The following ASS1 variants were observed in gnomAD, a reference collection of about 807,000 sequenced individuals.
The protein encoded by ASS1 is argininosuccinate synthase 1, also known as argininosuccinate synthase.
In ASS1, 58 loss-of-function variants were observed where a neutral mutation model predicts 60.5. That is an observed-to-expected ratio of 0.96 (90% CI 0.78 to 1.19). ASS1 has a LOEUF of 1.19. ASS1 is among the 50% of genes most tolerant of loss of function. The probability of loss-of-function intolerance (pLI) is 0.00; values close to 1 mark genes in which losing one functional copy is unlikely to be tolerated. For synonymous variants in ASS1, 200 were observed against 206.9 expected, an observed-to-expected ratio of 0.97 and a Z score of 0.29; for missense variants, 454 against 547.3, an observed-to-expected ratio of 0.83 and a Z score of 1.70.
intron 8 of ASS1, among the ~76,000 whole-genome samples, chr9:130,471,949 G>T (rs887436956): frequency 1.3e-5 from 2 of 152,146 alleles, no homozygotes; most frequent in Non-Finnish European, 2.9e-5. Context: ...CATTTGTCTG[G>T]ATCCGTGTTG....
chr9:130,450,150 TC>T (rs1357505544), intron 1 of ASS1: 6 of 482,324 alleles, frequency 1.2e-5, no homozygotes, highest in Non-Finnish European at 1.6e-5. Flanking sequence ...GCTCTGGGGC[TC>T]CTGGACCTCC....
At chr9:130,447,084 A>C (rs1378714643) in intron 1 of ASS1, among the ~76,000 whole-genome samples, 1 of 152,228 alleles carries the variant, frequency 6.6e-6, no homozygotes, top group Non-Finnish European at 1.5e-5. Context: ...TCCACGGGGC[A>C]GTAGGCCTGA....
rs1356500528 is a variant in ASS1 at position 130,476,991 on chromosome 9, G to A, written c.688+30G>A. 2 of 1,603,140 alleles carry A rather than the reference G, an allele frequency of 1.2e-6. No individual in the cohort carries two copies. The highest frequency in any genetic ancestry group is 8.5e-7 in the Non-Finnish European group (1 of 1,170,132). ...GTGCCCACCTGTTGGGACTCGAAGG[G>A]GGTTGACTTTTGGGGCCCTGGCTCC... On this transcript the variant is annotated intron_variant, in intron 9 of 14. Coordinates refer to ENST00000352480, the MANE Select transcript of ASS1 (RefSeq NM_054012.4). The surrounding 1 kb of genome is among the most constrained non-coding windows in gnomAD (Gnocchi z 4.9).
At chr9:130,483,110 C>A (rs1338458937) in intron 11 of ASS1, among the ~76,000 whole-genome samples, 1 of 152,068 alleles carries the variant, frequency 6.6e-6, no homozygotes, top group Non-Finnish European at 1.5e-5. Flanking sequence ...TTTCTCTACT[C>A]CAAATATTTC....
intron 1 of ASS1, 132 bp from the exon 2 acceptor site, chr9:130,452,092 C>T (rs757868089): frequency 4.0e-5 from 32 of 791,304 alleles, no homozygotes; most frequent in South Asian, 5.8e-5. Flanking sequence ...ATCCTGTTCC[C>T]GACCTTCAGT....
chr9:130,457,327 C>T (rs1233850062), intron 3 of ASS1, among the ~76,000 whole-genome samples: 1 of 152,002 alleles, frequency 6.6e-6, no homozygotes, highest in Non-Finnish European at 1.5e-5. Context: ...AAAACTTAGC[C>T]GGGCGTGGTA....
intron 3 of ASS1, among the ~76,000 whole-genome samples, chr9:130,455,051 TCATC>T (rs141916013): frequency 0.093 from 13,709 of 147,138 alleles, 757 homozygotes; most frequent in Non-Finnish European, 0.12. Context: ...CATTCATCCA[TCATC>T]CATCCATCCA....
intron 13 of ASS1, 111 bp from the exon 14 acceptor site, chr9:130,499,392 CAG>C: frequency 8.9e-7 from 1 of 1,119,604 alleles, no homozygotes; most frequent in Admixed American, 2.0e-5. Context: ...TGGACCCACA[CAG>C]GGGAAATGCC....
chr9:130,447,187 G>C (rs904950593), intron 1 of ASS1, among the ~76,000 whole-genome samples: 1 of 152,182 alleles, frequency 6.6e-6, no homozygotes, highest in African/African-American at 2.4e-5. Flanking sequence ...AGAGTGAAGG[G>C]GAGATCTGAG....
At chr9:130,462,464 C>T (rs985216150) in intron 4 of ASS1, among the ~76,000 whole-genome samples, 2 of 152,128 alleles carry the variant, frequency 1.3e-5, no homozygotes, top group African/African-American at 2.4e-5. Flanking sequence ...TTGCCTGAGA[C>T]GAGGGCAGAG....
chr9:130,453,540 C>G (rs1450771061), intron 2 of ASS1, among the ~76,000 whole-genome samples: 1 of 152,254 alleles, frequency 6.6e-6, no homozygotes. Context: ...GTGTATCCAT[C>G]TCACTGTAGG....
At chr9:130,498,153 C>T (rs1019565964) in intron 13 of ASS1, among the ~76,000 whole-genome samples, 2 of 152,160 alleles carry the variant, frequency 1.3e-5, no homozygotes, top group African/African-American at 4.8e-5. Flanking sequence ...GATGCAGAGA[C>T]CTCATTTGTT....
At position 130,489,128 on chromosome 9, in the gene ASS1, G is replaced by A. The variant is rs1197889744; in HGVS notation, c.839-205G>A. The stretch of plus-strand genomic sequence containing the variant: ...CATCTAGACATTTTCTCCACAAGCC[G>A]CAGAGTGGACTGTCGTGGCCCCAGC... On this transcript the variant is annotated intron_variant, in intron 11 of 14. Transcript: ENST00000352480. This position sits in a 1 kb window ranked among gnomAD's most constrained non-coding sequence, Gnocchi z 4.1. Among the ~76,000 whole-genome samples, 7 of 152,284 alleles carry A rather than the reference G, an allele frequency of 4.6e-5. No individual in the cohort carries two copies. The highest frequency in any genetic ancestry group is 3.4e-3 in the Middle Eastern group (1 of 294).
chr9:130,471,599 G>C (rs1845867964), intron 8 of ASS1, 84 bp downstream of exon 8: 1 of 1,510,572 alleles, frequency 6.6e-7, no homozygotes. Context: ...TGTATTTATA[G>C]CCTAATTTGA....
chr9:130,479,137 A>G (rs1846099070), intron 9 of ASS1, among the ~76,000 whole-genome samples: 1 of 142,924 alleles, frequency 7.0e-6, no homozygotes, highest in Non-Finnish European at 1.5e-5. Flanking sequence ...GCCACCCCGG[A>G]CCCAGCTCCT....
At chr9:130,471,606 T>C in intron 8 of ASS1, 91 bp downstream of exon 8, 7 of 1,497,110 alleles carry the variant, frequency 4.7e-6, no homozygotes, top group East Asian at 2.3e-5. Context: ...ATAGCCTAAT[T>C]TGAAATTTCA....
chr9:130,454,205 C>T, intron 2 of ASS1, 100 bp from the exon 3 acceptor site: 1 of 1,207,984 alleles, frequency 8.3e-7, no homozygotes, highest in South Asian at 1.3e-5. Flanking sequence ...GGAATGGAAG[C>T]TGTCTCTGTA....
At position 130,465,850 on chromosome 9, in the gene ASS1, G is replaced by T. The variant is rs181559056; in HGVS notation, c.421-875G>T. ...TGCTTGTTGACTTGCTGCCAGCGAG[G>T]CCGCAGGACGGGGCCCTCCCTCGGT... is the stretch of plus-strand genomic sequence containing the variant. On this transcript the variant is annotated intron_variant, in intron 5 of 14. Coordinates refer to ENST00000352480, the MANE Select transcript of ASS1 (RefSeq NM_054012.4). 5.3e-4 allele frequency among the ~76,000 whole-genome samples: 80 copies of T among 152,356 alleles called. 1 individual carries two copies. In the East Asian group the frequency reaches 0.014, roughly 26 times the overall value.
chr9:130,444,767 C>A (rs1181119315), upstream of ASS1, among the ~76,000 whole-genome samples: 1 of 151,246 alleles, frequency 6.6e-6, no homozygotes, highest in Non-Finnish European at 1.5e-5. The surrounding 1 kb of genome is among the most constrained non-coding windows in gnomAD (Gnocchi z 4.7). Context: ...TGGTGGGAGG[C>A]GGGGGGAGGT....
Sources: allele counts gnomAD v4.1 joint callset (sites outside exome capture counted in the v4.1 genomes callset), GRCh38; gene constraint gnomAD v4.1.1; non-coding constraint Gnocchi (gnomAD v3.1); transcripts MANE v1.5; gene names NCBI Gene and HGNC (gene_info 2026-07-23, HGNC 2026-07-21).